Variants in CYP26C1 observed in about 807,000 individuals in gnomAD.
CYP26C1 encodes the protein cytochrome P450 family 26 subfamily C member 1.
CYP26C1 carries 41 observed loss-of-function variants against 39.1 expected under a neutral mutation model. The observed-to-expected ratio is 1.05, with a 90% CI of 0.82 to 1.36. The LOEUF is 1.36. Among genes scored for constraint, CYP26C1 ranks in the 40% most tolerant of loss-of-function variants. CYP26C1 has a pLI of 0.00. For missense variants in CYP26C1, 833 were observed against 752.0 expected (o/e 1.11, Z -1.26); for synonymous variants, 362 against 350.8 (o/e 1.03, Z -0.36).
Position 93,066,109 on chromosome 10 carries a change from C to A in CYP26C1, c.1015C>A (p.Pro339Thr). ...GCTGGGGCGCGCGTGCGGCTGCGCG[C>A]CCGGGGCCGCTGGGGGCAGCGAGGG... Reference protein sequence around the residue: ...QGLGRACGCAPGAAGGSEGPP... With the variant: ...QGLGRACGCATGAAGGSEGPP... The change falls in exon 5 of 6, where the codon CCC (proline) becomes ACC (threonine). Residue 339 changes from proline (P) to threonine (T), a missense_variant. Transcript: ENST00000651965. The A allele has an allele frequency of 1.5e-6, 2 of 1,322,032 alleles. No homozygotes were observed. The highest frequency in any genetic ancestry group is 8.1e-5 in the Admixed American group (2 of 24,804). 81.9% of individuals were successfully genotyped at this position (1,322,032 alleles called of 1,614,324 possible).
chr10:93,062,249 G>A lies in CYP26C1; in HGVS notation c.429+15G>A, dbSNP rs77705186. Reference sequence around the variant, plus strand: ...GGCGGCGCAAGGTGAGTGGAAACGGGAATGGACCGTAGATACGTCGGATCC... The same window carrying A: ...GGCGGCGCAAGGTGAGTGGAAACGGAAATGGACCGTAGATACGTCGGATCC... On this transcript the variant is annotated intron_variant, in intron 2 of 5. Transcript: ENST00000651965. 1.3e-6 allele frequency: 2 copies of A among 1,514,036 alleles called. No individual in the cohort carries two copies. Among genetic ancestry groups the A allele is most frequent in the Non-Finnish European group, 1.8e-6 (2 of 1,134,930 alleles). 93.8% of individuals were successfully genotyped at this position (1,514,036 alleles called of 1,614,324 possible).
At position 93,060,822 on chromosome 10, in the gene CYP26C1, C is replaced by A; in HGVS notation, c.-442C>A. 5.0e-6 allele frequency: 1 copy of A among 200,414 alleles called. No individual in the cohort carries two copies. The highest frequency in any genetic ancestry group is 1.0e-5 in the Non-Finnish European group (1 of 100,024). 12.4% of individuals were successfully genotyped at this position (200,414 alleles called of 1,614,324 possible). A position where few individuals can be genotyped will look rare whatever the true frequency, so the allele number is the denominator to read the frequency against. ...AAGGGTTAAACGACTGGAGGAGGGA[C>A]AGGTGGGGCGGGGGTCTGCAGACCA... On this transcript the variant is annotated 5_prime_UTR_variant, in exon 1 of 6. Coordinates refer to ENST00000651965, the MANE Select transcript of CYP26C1 (RefSeq NM_183374.3).
intron 3 of CYP26C1, chr10:93,064,174 A>T: frequency 7.4e-7 from 1 of 1,354,118 alleles, no homozygotes; most frequent in Non-Finnish European, 9.6e-7. Context: ...GGATTGTGAT[A>T]ATCAAGACAG....
chr10:93,061,901 G>C lies in CYP26C1; in HGVS notation c.205-109G>C, dbSNP rs1389035483. 3.5e-6 allele frequency: 4 copies of C among 1,130,186 alleles called. No homozygotes were observed. The East Asian group carries it at 1.0e-4, about 29-fold the overall frequency. The allele number at this position is 1,130,186 out of a possible 1,614,324, so 70.0% of individuals were successfully genotyped here. ...CCACTGGGGATCTTGTTTTGTAAAC[G>C]CGCCAGCCAGGGACAGGAAGTTGTG... On this transcript the variant is annotated intron_variant, in intron 1 of 5. Transcript: ENST00000651965.
Position 93,066,100 on chromosome 10 carries a change from G to A in CYP26C1, c.1006G>A (p.Gly336Ser), listed in dbSNP as rs1247858739. ...LVAQGLGRAC[G>S]CAPGAAGGSE... The stretch of plus-strand genomic sequence containing the variant: ...GGCGCAGGGGCTGGGGCGCGCGTGC[G>A]GCTGCGCGCCCGGGGCCGCTGGGGG... The change falls in exon 5 of 6, where the codon GGC becomes AGC. Residue 336 changes from glycine to serine, a missense_variant. Gly to Ser is a moderately conservative substitution (Grantham distance 56). Transcript: ENST00000651965. 6 of 1,331,270 alleles carry A rather than the reference G, an allele frequency of 4.5e-6. No individual in the cohort carries two copies. The highest frequency in any genetic ancestry group is 5.7e-6 in the Non-Finnish European group (6 of 1,047,038). 82.5% of individuals were successfully genotyped at this position (1,331,270 alleles called of 1,614,324 possible).
rs1348919912 is a variant in CYP26C1, at chr10:93,068,905, C to T, written c.*208C>T. On this transcript the variant is annotated 3_prime_UTR_variant, in exon 6 of 6. Transcript: ENST00000651965. ...CTGCCGCGCCAGAGAAGCATCTAAG[C>T]CCATGGGAAGATGCCTTCTGCGCTC... 10 of 869,442 alleles carry T rather than the reference C, an allele frequency of 1.2e-5. No individual in the cohort carries two copies. The highest frequency in any genetic ancestry group is 3.9e-5 in the Admixed American group (1 of 25,338). The allele number at this position is 869,442 out of a possible 1,614,324, so 53.9% of individuals were successfully genotyped here.
At chr10:93,065,803 G>A (rs1030133460) in intron 4 of CYP26C1, among the ~76,000 whole-genome samples, 153 bp from the exon 5 acceptor site, 3 of 152,240 alleles carry the variant, frequency 2.0e-5, no homozygotes, top group African/African-American at 7.2e-5. Flanking sequence ...CTTCAAAACC[G>A]TACACACAGT....
At chr10:93,062,547 C>CT (rs751797080) in intron 2 of CYP26C1, among the ~76,000 whole-genome samples, 173 bp from the exon 3 acceptor site, 5 of 152,214 alleles carry the variant, frequency 3.3e-5, no homozygotes, top group Non-Finnish European at 5.9e-5. Context: ...TTGGGAGGGA[C>CT]TGTGTGCATC....
In CYP26C1 at chr10:93,068,951, T is replaced by C. The variant is rs549105166; in HGVS notation, c.*254T>C. The C allele has an allele frequency of 2.1e-5, 11 of 529,088 alleles. No homozygotes were observed. Among genetic ancestry groups the C allele is most frequent in the Non-Finnish European group, 3.4e-5 (11 of 327,424 alleles). 32.8% of individuals were successfully genotyped at this position (529,088 alleles called of 1,614,324 possible). ...CGCTCCGCGCCCAGAGGAAGGAAAA[T>C]GTCGTGGGCCAAGCAGGAATGGAGG... On this transcript the variant is annotated 3_prime_UTR_variant, in exon 6 of 6. Coordinates refer to ENST00000651965, the MANE Select transcript of CYP26C1 (RefSeq NM_183374.3).
chr10:93,062,420 A>G (rs1846763617), intron 2 of CYP26C1, among the ~76,000 whole-genome samples, 186 bp downstream of exon 2: 1 of 152,212 alleles, frequency 6.6e-6, no homozygotes, highest in African/African-American at 2.4e-5. Flanking sequence ...GACTGCGCTA[A>G]AAGATTCTTT....
intron 5 of CYP26C1, 23 bp downstream of exon 5, chr10:93,066,308 T>C (rs1846827032): frequency 3.0e-6 from 4 of 1,318,158 alleles, no homozygotes; most frequent in South Asian, 4.4e-5. Flanking sequence ...TGCCAGCCCA[T>C]GGCCAGCCTC....
In CYP26C1 at chr10:93,061,417, G is replaced by T. The variant is rs1057426740; in HGVS notation, c.154G>T (p.Gly52Cys). ...GGCCTCCACCCTGCCTCTGCCCAAG[G>T]GCTCCATGGGGTGGCCCTTCTTCGG... ...DRASTLPLPK[G>C]SMGWPFFGET... Residue 52 changes from glycine (G) to cysteine (C), a missense_variant, in exon 1 of 6, where the codon GGC becomes TGC. Physicochemically the swap from Gly to Cys is radical, Grantham distance 159. Transcript: ENST00000651965. The T allele has an allele frequency of 1.1e-5, 17 of 1,557,860 alleles. No individual in the cohort carries two copies. The highest frequency in any genetic ancestry group is 1.5e-5 in the Non-Finnish European group (17 of 1,151,136).
intron 1 of CYP26C1, 44 bp from the exon 2 acceptor site, chr10:93,061,966 C>G: frequency 6.5e-7 from 1 of 1,532,706 alleles, no homozygotes; most frequent in Non-Finnish European, 8.8e-7. Context: ...GATCCCAGCC[C>G]AGGCCCAGAA....
rs149498554 is a variant in CYP26C1 at position 93,064,438 on chromosome 10, C to G, written c.763C>G (p.Leu255Val). The part of the protein sequence containing the change: ...RHLEGAISEK[L>V]HEDKAAEPGD... ...CCTGGAGGGGGCCATTTCTGAGAAG[C>G]TTCACGAGGACAAGGCTGCAGAGCC... is the stretch of plus-strand genomic sequence containing the variant. Residue 255 changes from leucine to valine, a missense_variant, in exon 4 of 6, where the codon CTT becomes GTT. By Grantham distance (32) the Leu-to-Val change is conservative (BLOSUM62 1). Coordinates refer to ENST00000651965, the MANE Select transcript of CYP26C1 (RefSeq NM_183374.3). 1.9e-5 allele frequency: 31 copies of G among 1,614,146 alleles called. No individual in the cohort carries two copies. In the African/African-American group the frequency reaches 3.5e-4, roughly 18 times the overall value.
Position 93,061,204 on chromosome 10 carries a change from C to T in CYP26C1, c.-60C>T. The T allele has an allele frequency of 3.3e-6, 5 of 1,526,054 alleles. No individual in the cohort carries two copies. The South Asian group carries it at 3.6e-5, about 11-fold the overall frequency. 94.5% of individuals were successfully genotyped at this position (1,526,054 alleles called of 1,614,324 possible). A position where few individuals can be genotyped will look rare whatever the true frequency, so the allele number is the denominator to read the frequency against. On this transcript the variant is annotated 5_prime_UTR_variant, in exon 1 of 6. Coordinates refer to ENST00000651965, the MANE Select transcript of CYP26C1 (RefSeq NM_183374.3). ...TGAGCACTGCGCACTGCTCGCGCCCCGGTTCTTGCGTCCCCTGCTCTCCCT... is the reference window on the plus strand; with the variant it reads ...TGAGCACTGCGCACTGCTCGCGCCCTGGTTCTTGCGTCCCCTGCTCTCCCT...
At chr10:93,067,659 G>T (rs538710476) in intron 5 of CYP26C1, among the ~76,000 whole-genome samples, 10 of 152,246 alleles carry the variant, frequency 6.6e-5, no homozygotes, top group African/African-American at 2.4e-4. Context: ...TGTAGTCAGG[G>T]GGTTGGAAGA....
At chr10:93,061,570 C>A in intron 1 of CYP26C1, 103 bp downstream of exon 1, 1 of 1,400,346 alleles carries the variant, frequency 7.1e-7, no homozygotes, top group South Asian at 1.3e-5. Flanking sequence ...TAGCCAGTCC[C>A]TGCCCATCGC....
intron 5 of CYP26C1, 66 bp from the exon 6 acceptor site, chr10:93,068,254 G>A: frequency 6.9e-7 from 1 of 1,452,776 alleles, no homozygotes; most frequent in South Asian, 1.6e-5. Context: ...AGGGTGGAGG[G>A]TCAGTTCAGG....
Position 93,065,940 on chromosome 10 carries a change from C to G in CYP26C1, c.862-16C>G. The G allele has an allele frequency of 3.2e-6, 5 of 1,570,078 alleles. No homozygotes were observed. Among genetic ancestry groups the G allele is most frequent in the Non-Finnish European group, 4.3e-6 (5 of 1,160,762 alleles). On this transcript the variant is annotated splice_polypyrimidine_tract_variant and intron_variant, in intron 4 of 5. Transcript: ENST00000651965. The stretch of plus-strand genomic sequence containing the variant: ...CCACCGCCCGAGACTCAGTGCAGCC[C>G]GGGGCTGTCTTGCAGGAGTCGGCTG...
Sources: gnomAD v4.1 joint callset for allele counts (sites outside exome capture counted in the v4.1 genomes callset) on GRCh38, gnomAD v4.1.1 for gene constraint, MANE v1.5 for transcripts, NCBI Gene and HGNC (gene_info 2026-07-23, HGNC 2026-07-21) for gene names.